APBB2: variants seen among roughly 807,000 people sequenced by gnomAD.
The protein encoded by APBB2 is Fe65-like 1.
A neutral mutation model predicts 82.5 loss-of-function variants in APBB2; 38 were observed. The observed-to-expected ratio is 0.46, with a 90% CI of 0.36 to 0.60. The LOEUF is 0.60. Ranked by LOEUF, APBB2 falls within the 20% of genes least tolerant of loss-of-function variation. The probability of loss-of-function intolerance (pLI) is 0.00; values close to 1 mark genes in which losing one functional copy is unlikely to be tolerated. For synonymous variants in APBB2, 341 were observed against 368.2 expected (o/e 0.93, Z 0.85); for missense variants, 772 against 972.3 (o/e 0.79, Z 2.74).
intron 1 of APBB2, among the ~76,000 whole-genome samples, chr4:41,187,246 A>G (rs1773146667): frequency 6.6e-6 from 1 of 152,196 alleles, no homozygotes; most frequent in Non-Finnish European, 1.5e-5. Context: ...AAATGGTGGG[A>G]TTTCAGGTGA....
At chr4:41,181,048 T>A (rs11735595) in intron 1 of APBB2, among the ~76,000 whole-genome samples, 45,692 of 152,126 alleles carry the variant, frequency 0.3, 6,943 homozygotes, top group African/African-American at 0.33. Flanking sequence ...TTTAATCCCA[T>A]CAATTACATT....
chr4:41,153,280 A>T (rs536946231), intron 1 of APBB2, among the ~76,000 whole-genome samples: 41 of 152,304 alleles, frequency 2.7e-4, no homozygotes, highest in Middle Eastern at 3.4e-3. Context: ...GAAATACATT[A>T]AAAAATGTTT....
rs185487629 is a variant in APBB2 at position 41,099,407 on chromosome 4, T to C, written c.-149+1232A>G. Among the ~76,000 whole-genome samples, 212 of 152,258 alleles carry C rather than the reference T, an allele frequency of 1.4e-3. 1 individual carries two copies. Among genetic ancestry groups the C allele is most frequent in the African/African-American group, 4.9e-3 (202 of 41,546 alleles). On this transcript the variant is annotated intron_variant, in intron 3 of 17. Transcript: ENST00000508593. ...CCATACCCAGCTAATTTTTTTGTATTTTTAGCAGAGATGGGGTTTCTCCAT... is the reference window on the plus strand; with the variant it reads ...CCATACCCAGCTAATTTTTTTGTATCTTTAGCAGAGATGGGGTTTCTCCAT...
chr4:41,067,616 T>G (rs1395545900), intron 3 of APBB2, among the ~76,000 whole-genome samples: 1 of 152,140 alleles, frequency 6.6e-6, no homozygotes, highest in Admixed American at 6.5e-5. Context: ...ACAGGATCAG[T>G]GCAGAATCCT....
chr4:40,900,700 G>A (rs1431247762), intron 10 of APBB2, among the ~76,000 whole-genome samples: 3 of 150,754 alleles, frequency 2.0e-5, no homozygotes, highest in Admixed American at 6.6e-5. Flanking sequence ...CAAGTGATTC[G>A]CCCATCTGGG....
At chr4:40,970,309 A>C (rs191563876) in intron 6 of APBB2, among the ~76,000 whole-genome samples, 65 of 152,332 alleles carry the variant, frequency 4.3e-4, no homozygotes, top group Non-Finnish European at 7.5e-4. Context: ...TTAAACGTTT[A>C]TGAACAAAAT....
chr4:40,859,535 C>T (rs1021950234), intron 12 of APBB2, among the ~76,000 whole-genome samples: 22 of 152,144 alleles, frequency 1.4e-4, no homozygotes, highest in African/African-American at 4.8e-4. Context: ...CTCCTTGCCT[C>T]CACTCATCTC....
chr4:40,935,286 G>C, intron 7 of APBB2, 147 bp from the exon 8 acceptor site: 1 of 612,422 alleles, frequency 1.6e-6, no homozygotes, highest in Non-Finnish European at 2.8e-6. Context: ...ACAGCAACTT[G>C]TTGGCTCACT....
intron 6 of APBB2, among the ~76,000 whole-genome samples, chr4:40,981,468 GA>G (rs1219760721): frequency 6.6e-6 from 1 of 152,134 alleles, no homozygotes; most frequent in Non-Finnish European, 1.5e-5. Context: ...AGCTGAAAAT[GA>G]ATCAGTGTTG....
chr4:41,132,386 A>G (rs898611809), intron 2 of APBB2, among the ~76,000 whole-genome samples: 9 of 152,238 alleles, frequency 5.9e-5, no homozygotes, highest in African/African-American at 1.7e-4. Context: ...CAAAATCTGG[A>G]CACAGAAGTC....
chr4:41,158,500 C>T (rs1398549156), intron 1 of APBB2, among the ~76,000 whole-genome samples: 1 of 152,128 alleles, frequency 6.6e-6, no homozygotes, highest in Non-Finnish European at 1.5e-5. Context: ...CATGTCTGGG[C>T]AACAGGTCTG....
At chr4:40,911,785 C>T (rs1020741645) in intron 10 of APBB2, among the ~76,000 whole-genome samples, 10 of 148,834 alleles carry the variant, frequency 6.7e-5, no homozygotes, top group Non-Finnish European at 1.2e-4. Flanking sequence ...TAGGGGGACA[C>T]GGATTCCTGT....
intron 1 of APBB2, among the ~76,000 whole-genome samples, chr4:41,159,363 T>G (rs1183782446): frequency 6.6e-6 from 1 of 152,190 alleles, no homozygotes; most frequent in Non-Finnish European, 1.5e-5. Context: ...GGGCTATTTT[T>G]CTATGAAGCG....
At position 40,953,513 on chromosome 4, in the gene APBB2, G is replaced by T. The variant is rs112255234; in HGVS notation, c.836-8440C>A. 4.7e-3 allele frequency among the ~76,000 whole-genome samples: 706 copies of T among 151,602 alleles called. 4 individuals are homozygous for T. The highest frequency in any genetic ancestry group is 7.9e-3 in the Non-Finnish European group (539 of 67,922). On this transcript the variant is annotated intron_variant, in intron 6 of 17. Coordinates refer to ENST00000508593, the MANE Select transcript of APBB2 (RefSeq NM_004307.2). Reference sequence around the variant, plus strand: ...CTGGCCCTGAGCCCCAATCCACCCCGACATTCTGGGGATATTAAAAATGAG... The same window carrying T: ...CTGGCCCTGAGCCCCAATCCACCCCTACATTCTGGGGATATTAAAAATGAG...
chr4:41,105,709 C>T (rs192399364), intron 2 of APBB2, among the ~76,000 whole-genome samples: 90 of 152,052 alleles, frequency 5.9e-4, no homozygotes, highest in East Asian at 4.4e-3. Flanking sequence ...ACAGTGAAAC[C>T]CCGTCTCTAC....
intron 1 of APBB2, among the ~76,000 whole-genome samples, chr4:41,190,215 T>C (rs1453673130): frequency 1.3e-5 from 2 of 150,866 alleles, no homozygotes; most frequent in Non-Finnish European, 3.0e-5. Context: ...AAACTTACTA[T>C]ATCAAAAGAA....
In APBB2 at chr4:41,127,722, T is replaced by C. The variant is rs941964759; in HGVS notation, c.-261+15265A>G. Among the ~76,000 whole-genome samples, 3 of 152,208 alleles carry C rather than the reference T, an allele frequency of 2.0e-5. No individual in the cohort carries two copies. Among genetic ancestry groups the C allele is most frequent in the African/African-American group, 7.2e-5 (3 of 41,462 alleles). ...AAGGCTAGGCACGATGGGTCATGCC[T>C]GTAATCCCAGCACTTTGGGAGGCCG... is the stretch of plus-strand genomic sequence containing the variant. On this transcript the variant is annotated intron_variant, in intron 2 of 17. Coordinates refer to ENST00000508593, the MANE Select transcript of APBB2 (RefSeq NM_004307.2). The surrounding 1 kb of genome is among the most constrained non-coding windows in gnomAD (Gnocchi z 4.8).
intron 6 of APBB2, among the ~76,000 whole-genome samples, chr4:40,987,851 T>C (rs1800795765): frequency 6.6e-6 from 1 of 152,156 alleles, no homozygotes; most frequent in African/African-American, 2.4e-5. Context: ...CTCTCTAGAA[T>C]GGAGCAGAAG....
chr4:41,167,567 G>A lies in APBB2; in HGVS notation c.-416-24425C>T, dbSNP rs28591641. 7.2e-4 allele frequency among the ~76,000 whole-genome samples: 109 copies of A among 152,260 alleles called. 1 individual carries two copies. The highest frequency in any genetic ancestry group is 3.4e-3 in the Middle Eastern group (1 of 294). ...TTATCACAGACTAAATGTACAAGTA[G>A]TGCCTATGCATATTTTATTAATCTA... On this transcript the variant is annotated intron_variant, in intron 1 of 17. Transcript: ENST00000508593.
Sources: allele counts gnomAD v4.1 joint callset (sites outside exome capture counted in the v4.1 genomes callset), GRCh38; gene constraint gnomAD v4.1.1; non-coding constraint Gnocchi (gnomAD v3.1); transcripts MANE v1.5; gene names NCBI Gene and HGNC (gene_info 2026-07-23, HGNC 2026-07-21).